Variants in PROS1 observed in about 807,000 individuals in gnomAD.
PROS1 encodes the protein vitamin K-dependent protein S.
In PROS1, 29 loss-of-function variants were observed where a neutral mutation model predicts 75.9. That is an observed-to-expected ratio of 0.38 (90% CI 0.28 to 0.52). The LOEUF is 0.52. PROS1 is among the 20% of genes least tolerant of loss of function. PROS1 has a pLI of 0.83. For synonymous variants in PROS1, 245 were observed against 280.6 expected (o/e 0.87, Z 1.27); for missense variants, 680 against 810.3 (o/e 0.84, Z 1.95).
chr3:93,894,728 C>T (rs754540218), intron 9 of PROS1, among the ~76,000 whole-genome samples: 2 of 152,036 alleles, frequency 1.3e-5, no homozygotes, highest in South Asian at 2.1e-4. Context: ...GAGCAACAGA[C>T]GTCAAGAAAT....
chr3:93,897,729 C>T (rs1481134616), intron 8 of PROS1, among the ~76,000 whole-genome samples: 1 of 151,840 alleles, frequency 6.6e-6, no homozygotes, highest in Non-Finnish European at 1.5e-5. Context: ...TGGTCTGCCT[C>T]ATAATAATAT....
chr3:93,891,701 C>T (rs747831330), intron 10 of PROS1, among the ~76,000 whole-genome samples: 15 of 152,136 alleles, frequency 9.9e-5, no homozygotes, highest in African/African-American at 3.1e-4. Flanking sequence ...TGAGCCACTG[C>T]GCCCAGCCTA....
At chr3:93,879,027 G>A in intron 13 of PROS1, 136 bp downstream of exon 13, 1 of 908,568 alleles carries the variant, frequency 1.1e-6, no homozygotes, top group Non-Finnish European at 1.7e-6. Context: ...ATGATGTGCT[G>A]GAGATTGTGC....
At chr3:93,893,322 G>C in intron 9 of PROS1, among the ~76,000 whole-genome samples, 200 bp from the exon 10 acceptor site, 1 of 152,082 alleles carries the variant, frequency 6.6e-6, no homozygotes. Context: ...TTAAAATTAA[G>C]TTATTATATT....
chr3:93,950,465 G>T (rs1709478242), intron 1 of PROS1, among the ~76,000 whole-genome samples: 1 of 152,154 alleles, frequency 6.6e-6, no homozygotes, highest in South Asian at 2.1e-4. Flanking sequence ...ATACAGCCAG[G>T]TGTCCCTCTG....
intron 6 of PROS1, among the ~76,000 whole-genome samples, chr3:93,904,260 A>G (rs1708640832): frequency 6.6e-6 from 1 of 152,128 alleles, no homozygotes; most frequent in Non-Finnish European, 1.5e-5. Flanking sequence ...ATTGTGAATA[A>G]TGCCGCAATA....
intron 1 of PROS1, among the ~76,000 whole-genome samples, chr3:93,931,704 T>C (rs1709107649): frequency 6.6e-6 from 1 of 152,120 alleles, no homozygotes; most frequent in Admixed American, 6.5e-5. Flanking sequence ...TCCTGAGACT[T>C]TTCTGGAAGC....
intron 6 of PROS1, 142 bp downstream of exon 6, chr3:93,905,642 A>G: frequency 4.5e-6 from 4 of 892,760 alleles, no homozygotes; most frequent in Non-Finnish European, 6.9e-6. Flanking sequence ...GTTCCACAGT[A>G]TCACAAGGCT....
intron 1 of PROS1, among the ~76,000 whole-genome samples, chr3:93,967,363 A>G: frequency 6.6e-6 from 1 of 152,208 alleles, no homozygotes; most frequent in East Asian, 1.9e-4. Context: ...GCTTTATGCT[A>G]AGCCACACAA....
At chr3:93,898,398 T>C (rs1708534703) in intron 8 of PROS1, 50 bp downstream of exon 8, 2 of 1,597,730 alleles carry the variant, frequency 1.3e-6, no homozygotes, top group Non-Finnish European at 1.7e-6. Flanking sequence ...GTATCTAGGA[T>C]CTCTCATTTT....
chr3:93,899,039 C>T (rs1708545178), intron 7 of PROS1, among the ~76,000 whole-genome samples: 1 of 151,772 alleles, frequency 6.6e-6, no homozygotes, highest in South Asian at 2.1e-4. Context: ...GAAGAAAAGA[C>T]CCCTTTAACT....
intron 14 of PROS1, among the ~76,000 whole-genome samples, chr3:93,875,795 A>G (rs1426885449): frequency 6.6e-6 from 1 of 152,164 alleles, no homozygotes; most frequent in East Asian, 1.9e-4. Context: ...TTTAAGCAGT[A>G]TATTGAAGGT....
chr3:93,937,248 T>C (rs1387239673), intron 1 of PROS1, among the ~76,000 whole-genome samples: 1 of 152,182 alleles, frequency 6.6e-6, no homozygotes, highest in Non-Finnish European at 1.5e-5. Flanking sequence ...AGGCAGTACG[T>C]GACAGGGGCT....
intron 1 of PROS1, chr3:93,973,417 T>C: frequency 2.2e-6 from 1 of 462,424 alleles, no homozygotes; most frequent in South Asian, 3.0e-5. Flanking sequence ...CATCCCTCCA[T>C]TGATACTTAG....
At chr3:93,884,598 G>T in intron 12 of PROS1, 130 bp downstream of exon 12, 9 of 1,058,782 alleles carry the variant, frequency 8.5e-6, no homozygotes, top group Non-Finnish European at 1.2e-5. Context: ...ATAATAGTAT[G>T]AATAAGCATA....
chr3:93,935,531 G>T (rs1175701266), intron 1 of PROS1, among the ~76,000 whole-genome samples: 2 of 151,990 alleles, frequency 1.3e-5, no homozygotes, highest in South Asian at 2.1e-4. Context: ...ACTTAAAAAG[G>T]CAACAGTAAA....
intron 12 of PROS1, among the ~76,000 whole-genome samples, chr3:93,881,556 C>CTTTTTTTTT (rs71105164): frequency 2.5e-5 from 3 of 118,468 alleles, no homozygotes; most frequent in Non-Finnish European, 3.3e-5. Flanking sequence ...GTAGTAAGCA[C>CTTTTTTTTT]TTTTTTTTTT....
At chr3:93,877,824 A>G (rs1708213884) in intron 13 of PROS1, among the ~76,000 whole-genome samples, 1 of 152,232 alleles carries the variant, frequency 6.6e-6, no homozygotes, top group African/African-American at 2.4e-5. Context: ...TGATCTCTTC[A>G]TATAGCTTAT....
In PROS1 at chr3:93,898,608, C is replaced by A. The variant is rs111940877; in HGVS notation, c.728-39G>T. On this transcript the variant is annotated intron_variant, in intron 7 of 14. Transcript: ENST00000394236. ...AACACACGCACACAAACTTTAATATCCCCTAAATGTTCAATCTTATAGGCA... is the reference window on the plus strand; with the variant it reads ...AACACACGCACACAAACTTTAATATACCCTAAATGTTCAATCTTATAGGCA... 79 of 1,606,460 alleles carry A rather than the reference C, an allele frequency of 4.9e-5. 1 individual carries two copies. Among genetic ancestry groups the A allele is most frequent in the South Asian group, 3.5e-4 (32 of 90,790 alleles).
Sources: allele counts gnomAD v4.1 joint callset (sites outside exome capture counted in the v4.1 genomes callset), GRCh38; gene constraint gnomAD v4.1.1; transcripts MANE v1.5; gene names NCBI Gene and HGNC (gene_info 2026-07-23, HGNC 2026-07-21).